The following PDZRN3 variants were observed in gnomAD, a reference collection of about 807,000 sequenced individuals.
The protein encoded by PDZRN3 is E3 ubiquitin-protein ligase PDZRN3.
Under a neutral mutation model 85.7 loss-of-function variants are expected in PDZRN3, and 38 were observed. That is an observed-to-expected ratio of 0.44 (90% CI 0.34 to 0.58). The LOEUF is 0.58. Among genes scored for constraint, PDZRN3 ranks in the 20% least tolerant of loss-of-function variants. The pLI, the probability that PDZRN3 is intolerant of heterozygous loss-of-function variation, is 0.01. For synonymous variants in PDZRN3, 759 were observed against 638.0 expected (o/e 1.19, Z -2.86); for missense variants, 1,629 against 1,506.4 (o/e 1.08, Z -1.35).
At chr3:73,577,256 T>C (rs749255421) in intron 3 of PDZRN3, among the ~76,000 whole-genome samples, 40 of 152,334 alleles carry the variant, frequency 2.6e-4, no homozygotes, top group African/African-American at 7.5e-4. Context: ...AACCCTTACA[T>C]GACTAGCTTC....
chr3:73,567,397 T>C (rs988482653), intron 3 of PDZRN3, among the ~76,000 whole-genome samples: 3 of 152,180 alleles, frequency 2.0e-5, no homozygotes, highest in African/African-American at 7.2e-5. Flanking sequence ...TTTAAAAAAA[T>C]GCCAGGTACA....
At position 73,384,662 on chromosome 3, in the gene PDZRN3, TAGTCGGCGTCCGTGC is replaced by T. The variant is rs1398673259; in HGVS notation, c.1889_1903del (p.Cys630_Asp634del). 6.2e-7 allele frequency: 1 copy of T among 1,613,814 alleles called. No individual in the cohort carries two copies. Among genetic ancestry groups the T allele is most frequent in the Non-Finnish European group, 8.5e-7 (1 of 1,179,998 alleles). On this transcript the variant is annotated inframe_deletion, in exon 10 of 10. Transcript: ENST00000263666. ...GCACTCGTCCACCGGGATCCCCAGG[TAGTCGGCGTCCGTGC>T]AGTCGGCCGAAATGAAAGACTCGTT...
At chr3:73,558,514 T>C (rs911576696) in intron 3 of PDZRN3, among the ~76,000 whole-genome samples, 1 of 152,228 alleles carries the variant, frequency 6.6e-6, no homozygotes, top group Admixed American at 6.5e-5. Flanking sequence ...CATCCTTCAC[T>C]GGCCCTTTTG....
chr3:73,463,898 T>G (rs1703157084), intron 3 of PDZRN3, among the ~76,000 whole-genome samples: 1 of 152,224 alleles, frequency 6.6e-6, no homozygotes, highest in Admixed American at 6.5e-5. Flanking sequence ...GACACATGTT[T>G]ACCTATGTAA....
intron 3 of PDZRN3, among the ~76,000 whole-genome samples, chr3:73,531,575 C>T (rs1406485875): frequency 6.6e-6 from 1 of 152,152 alleles, no homozygotes; most frequent in African/African-American, 2.4e-5. Flanking sequence ...TGATTAGTTG[C>T]TACCAAAGCT....
chr3:73,529,463 C>T (rs1281991939), intron 3 of PDZRN3, among the ~76,000 whole-genome samples: 1 of 152,214 alleles, frequency 6.6e-6, no homozygotes. Flanking sequence ...GGCTCTGTAC[C>T]CCTGCTACAG....
chr3:73,538,120 T>G lies in PDZRN3; in HGVS notation c.918+64234A>C, dbSNP rs183013135. 1.2e-3 allele frequency among the ~76,000 whole-genome samples: 178 copies of G among 152,314 alleles called. 1 individual carries two copies. Among genetic ancestry groups the G allele is most frequent in the African/African-American group, 4.2e-3 (173 of 41,566 alleles). Reference sequence around the variant, plus strand: ...ACTGGGAACACAAAGTCTGTTCACTTTTCCCAGGCCTGGGCCATTACCTGA... The same window carrying G: ...ACTGGGAACACAAAGTCTGTTCACTGTTCCCAGGCCTGGGCCATTACCTGA... On this transcript the variant is annotated intron_variant, in intron 3 of 9. Transcript: ENST00000263666.
chr3:73,600,702 A>AAT (rs1458006733), intron 3 of PDZRN3, among the ~76,000 whole-genome samples: 1 of 152,192 alleles, frequency 6.6e-6, no homozygotes, highest in African/African-American at 2.4e-5. Context: ...GCAAAACACA[A>AAT]GAGCAATGAA....
At chr3:73,562,249 AT>A (rs1409113661) in intron 3 of PDZRN3, among the ~76,000 whole-genome samples, 1 of 152,198 alleles carries the variant, frequency 6.6e-6, no homozygotes, top group Non-Finnish European at 1.5e-5. Context: ...AAAAAGAGTC[AT>A]GAGAATACCA....
intron 3 of PDZRN3, among the ~76,000 whole-genome samples, chr3:73,591,813 C>A (rs1702360934): frequency 6.6e-6 from 1 of 152,196 alleles, no homozygotes; most frequent in South Asian, 2.1e-4. Context: ...TGATCTGATT[C>A]CAGAGTCCTT....
At chr3:73,513,342 G>A (rs748730097) in intron 3 of PDZRN3, among the ~76,000 whole-genome samples, 4 of 152,236 alleles carry the variant, frequency 2.6e-5, no homozygotes, top group South Asian at 4.2e-4. Context: ...CACTGCTCCC[G>A]GTAAATGAAG....
Position 73,624,848 on chromosome 3 carries a change from C to T in PDZRN3, c.-23G>A. 1 of 1,270,468 alleles carries T rather than the reference C, an allele frequency of 7.9e-7. No homozygotes were observed. Among genetic ancestry groups the T allele is most frequent in the Non-Finnish European group, 9.9e-7 (1 of 1,010,552 alleles). 78.7% of individuals were successfully genotyped at this position (1,270,468 alleles called of 1,614,324 possible). ...CATGGTGGCGGCCAGGCCCCGGGGT[C>T]GCCGCCGGGCGGCCGGGCGCCCCCT... On this transcript the variant is annotated 5_prime_UTR_variant, in exon 1 of 10. Transcript: ENST00000263666.
Position 73,624,753 on chromosome 3 carries a change from G to A in PDZRN3, c.73C>T (p.Leu25=). ...CACGGCGTGGTCAGCGGGTCCTCCA[G>A]GACCTTGTGGCACAGCGCGCACTTC... The part of the protein sequence containing the change: ...DLKCALCHKV[L]EDPLTTPCGH... Residue 25 remains leucine (L), a synonymous_variant, in exon 1 of 10, where the codon CTG becomes TTG. Transcript: ENST00000263666. 6.6e-7 allele frequency: 1 copy of A among 1,507,130 alleles called. No individual in the cohort carries two copies. Among genetic ancestry groups the A allele is most frequent in the Non-Finnish European group, 8.8e-7 (1 of 1,135,656 alleles). 93.4% of individuals were successfully genotyped at this position (1,507,130 alleles called of 1,614,324 possible). A position where few individuals can be genotyped will look rare whatever the true frequency, so the allele number is the denominator to read the frequency against.
chr3:73,425,263 C>A (rs192384007), intron 3 of PDZRN3, among the ~76,000 whole-genome samples: 153 of 152,146 alleles, frequency 1.0e-3, no homozygotes, highest in African/African-American at 3.7e-3. Context: ...AGTGATCCAC[C>A]CGCCTCAGCC....
At chr3:73,506,895 CA>C (rs11354960) in intron 3 of PDZRN3, among the ~76,000 whole-genome samples, 123,440 of 131,508 alleles carry the variant, frequency 0.94, 57,896 homozygotes, top group South Asian at 0.99. Context: ...GACCATGTCT[CA>C]AAAAAAAAAA....
chr3:73,468,503 T>G (rs1270286273), intron 3 of PDZRN3, among the ~76,000 whole-genome samples: 1 of 151,840 alleles, frequency 6.6e-6, no homozygotes, highest in Non-Finnish European at 1.5e-5. Context: ...ACGAGGTACA[T>G]GTCTATGGAA....
At chr3:73,509,795 C>T (rs899661189) in intron 3 of PDZRN3, among the ~76,000 whole-genome samples, 4 of 152,184 alleles carry the variant, frequency 2.6e-5, no homozygotes, top group Admixed American at 6.5e-5. Flanking sequence ...AAATACCAAA[C>T]AGACAACTTC....
chr3:73,426,176 T>C (rs914278785), intron 3 of PDZRN3, among the ~76,000 whole-genome samples: 2 of 152,038 alleles, frequency 1.3e-5, no homozygotes, highest in African/African-American at 2.4e-5. Flanking sequence ...TATACACACA[T>C]GCATATGTAT....
chr3:73,528,912 ACACACG>A (rs1387362063), intron 3 of PDZRN3, among the ~76,000 whole-genome samples: 6 of 138,024 alleles, frequency 4.3e-5, no homozygotes, highest in Admixed American at 2.9e-4. Context: ...ACACACACAC[ACACACG>A]CACATGCACA....
Sources: gnomAD v4.1 joint callset for allele counts (sites outside exome capture counted in the v4.1 genomes callset) on GRCh38, gnomAD v4.1.1 for gene constraint, MANE v1.5 for transcripts, NCBI Gene and HGNC (gene_info 2026-07-23, HGNC 2026-07-21) for gene names.